Variants in SPOCK1 observed in about 807,000 individuals in gnomAD.
The protein encoded by SPOCK1 is testican-1.
In SPOCK1, 23 loss-of-function variants were observed where a neutral mutation model predicts 55.3. The ratio of observed to expected loss-of-function variants is 0.42; its 90% CI spans 0.30 to 0.59. The LOEUF is 0.59. Among genes scored for constraint, SPOCK1 ranks in the 20% least tolerant of loss-of-function variants. The pLI is 0.22. For synonymous variants in SPOCK1, 226 were observed against 221.0 expected, an observed-to-expected ratio of 1.02 and a Z score of -0.20; for missense variants, 499 against 552.5, an observed-to-expected ratio of 0.90 and a Z score of 0.97.
At chr5:137,055,969 T>G (rs1044664628) in intron 6 of SPOCK1, among the ~76,000 whole-genome samples, 1 of 152,158 alleles carries the variant, frequency 6.6e-6, no homozygotes, top group Non-Finnish European at 1.5e-5. Context: ...GGGACCTAAG[T>G]CACCTACAAA....
intron 2 of SPOCK1, among the ~76,000 whole-genome samples, chr5:137,340,210 C>G (rs892785622): frequency 1.8e-4 from 27 of 152,284 alleles, no homozygotes; most frequent in African/African-American, 6.3e-4. Flanking sequence ...GAAAGGGGAA[C>G]TGGAACAGTT....
At chr5:137,246,306 A>T (rs951074823) in intron 3 of SPOCK1, among the ~76,000 whole-genome samples, 2 of 152,188 alleles carry the variant, frequency 1.3e-5, no homozygotes, top group African/African-American at 4.8e-5. Context: ...TGATGCTGTA[A>T]ATCTTAGAGA....
At chr5:137,340,976 A>C (rs1750408868) in intron 2 of SPOCK1, among the ~76,000 whole-genome samples, 1 of 151,726 alleles carries the variant, frequency 6.6e-6, no homozygotes, top group Admixed American at 6.6e-5. Flanking sequence ...TGGGACTCAC[A>C]TCCTGGCCTG....
intron 3 of SPOCK1, among the ~76,000 whole-genome samples, chr5:137,161,155 A>G (rs969211713): frequency 1.3e-5 from 2 of 148,578 alleles, no homozygotes; most frequent in African/African-American, 2.5e-5. Flanking sequence ...TCTCTAATAT[A>G]TAATATATAC....
intron 3 of SPOCK1, among the ~76,000 whole-genome samples, chr5:137,163,533 C>T (rs1159135514): frequency 1.3e-5 from 2 of 152,238 alleles, no homozygotes; most frequent in African/African-American, 2.4e-5. Flanking sequence ...TCAGCCAACA[C>T]TTCCTGGATA....
chr5:137,201,489 G>T (rs759099796), intron 3 of SPOCK1, among the ~76,000 whole-genome samples: 1 of 152,178 alleles, frequency 6.6e-6, no homozygotes, highest in South Asian at 2.1e-4. Context: ...CAGAAACAAA[G>T]CCACCGTAAC....
intron 3 of SPOCK1, among the ~76,000 whole-genome samples, chr5:137,152,808 C>A (rs1213446305): frequency 2.0e-5 from 3 of 152,168 alleles, no homozygotes; most frequent in African/African-American, 4.8e-5. Context: ...TACGGACAAC[C>A]CACAAACCCT....
chr5:137,313,353 C>T (rs1436025159), intron 2 of SPOCK1: 5 of 943,794 alleles, frequency 5.3e-6, no homozygotes, highest in African/African-American at 1.8e-5. Flanking sequence ...CACAGAAGAG[C>T]CAGACATTGA....
intron 2 of SPOCK1, among the ~76,000 whole-genome samples, chr5:137,490,066 C>T (rs1277882248): frequency 6.6e-6 from 1 of 152,242 alleles, no homozygotes; most frequent in African/African-American, 2.4e-5. Context: ...ACAAATGTGT[C>T]TATCTTCTTC....
chr5:137,073,678 T>G (rs1257815967), intron 5 of SPOCK1, among the ~76,000 whole-genome samples: 1 of 152,174 alleles, frequency 6.6e-6, no homozygotes, highest in East Asian at 1.9e-4. Context: ...AAAATGCTTT[T>G]TTTTTTTACA....
intron 6 of SPOCK1, among the ~76,000 whole-genome samples, chr5:137,061,585 T>C (rs1752394748): frequency 6.6e-6 from 1 of 152,108 alleles, no homozygotes; most frequent in African/African-American, 2.4e-5. Flanking sequence ...TGCTCCTACC[T>C]CCCAGCTCAT....
chr5:137,174,082 A>C (rs559270998), intron 3 of SPOCK1, among the ~76,000 whole-genome samples: 1 of 152,356 alleles, frequency 6.6e-6, no homozygotes, highest in South Asian at 2.1e-4. Context: ...ATGTCACATC[A>C]TGCTTACTCT....
At chr5:137,100,633 C>T (rs1304664368) in intron 5 of SPOCK1, among the ~76,000 whole-genome samples, 1 of 152,180 alleles carries the variant, frequency 6.6e-6, no homozygotes, top group East Asian at 1.9e-4. Flanking sequence ...TGCCATTGTA[C>T]AGCCTGACTT....
chr5:137,312,693 G>A (rs945508165), intron 2 of SPOCK1, among the ~76,000 whole-genome samples: 6 of 152,184 alleles, frequency 3.9e-5, no homozygotes, highest in African/African-American at 1.2e-4. Context: ...AGCACACAGC[G>A]AGTAGGGTAC....
intron 3 of SPOCK1, among the ~76,000 whole-genome samples, chr5:137,176,818 T>C (rs1247342012): frequency 2.6e-5 from 4 of 152,126 alleles, no homozygotes; most frequent in African/African-American, 7.2e-5. Flanking sequence ...GCAGCATCAA[T>C]TGATGCCAAA....
At chr5:137,097,496 C>T (rs1472669114) in intron 5 of SPOCK1, among the ~76,000 whole-genome samples, 1 of 152,174 alleles carries the variant, frequency 6.6e-6, no homozygotes, top group African/African-American at 2.4e-5. Flanking sequence ...GCCTCAGCAT[C>T]CTGTACACAG....
At chr5:137,397,555 C>T (rs1158256965) in intron 2 of SPOCK1, among the ~76,000 whole-genome samples, 1 of 152,176 alleles carries the variant, frequency 6.6e-6, no homozygotes, top group African/African-American at 2.4e-5. Flanking sequence ...TCCTCTCGCT[C>T]CTCACAACTG....
intron 2 of SPOCK1, among the ~76,000 whole-genome samples, chr5:137,334,022 G>T (rs56125906): frequency 7.7e-4 from 117 of 152,000 alleles, no homozygotes; most frequent in South Asian, 1.0e-3. Flanking sequence ...TTTAAAGGGT[G>T]CCCCGTCAGA....
chr5:137,072,739 T>C (rs1203375669), intron 5 of SPOCK1, among the ~76,000 whole-genome samples: 2 of 152,252 alleles, frequency 1.3e-5, no homozygotes, highest in Non-Finnish European at 2.9e-5. Context: ...GCTTTGGGTA[T>C]TATTTTTAAC....
Sources: gnomAD v4.1 joint callset for allele counts (sites outside exome capture counted in the v4.1 genomes callset) on GRCh38, gnomAD v4.1.1 for gene constraint, MANE v1.5 for transcripts, NCBI Gene and HGNC (gene_info 2026-07-23, HGNC 2026-07-21) for gene names.